The following SV2C variants were observed in gnomAD, a reference collection of about 807,000 sequenced individuals.
SV2C encodes synaptic vesicle glycoprotein 2C, also known as solute carrier family 22 member B3.
SV2C carries 49 observed loss-of-function variants against 79.7 expected under a neutral mutation model. The observed-to-expected ratio is 0.61, with a 90% CI of 0.49 to 0.78. The LOEUF (loss-of-function observed/expected upper bound fraction) is 0.78, where lower values mean the gene tolerates loss of function less well. Ranked by LOEUF, SV2C falls within the 30% of genes least tolerant of loss-of-function variation. The pLI is 0.00. For missense variants in SV2C, 833 were observed against 912.9 expected (o/e 0.91, Z 1.13); for synonymous variants, 334 against 333.2 (o/e 1.00, Z -0.03).
At chr5:75,907,516 C>T in the SV2C span, among the ~76,000 whole-genome samples, 2 of 152,034 alleles carry the variant, frequency 1.3e-5, no homozygotes, top group Admixed American at 6.6e-5. Context: ...AGCAAACACC[C>T]ACACAAAACT....
chr5:75,958,825 A>G, the SV2C span, among the ~76,000 whole-genome samples: 5 of 151,926 alleles, frequency 3.3e-5, no homozygotes, highest in African/African-American at 4.8e-5. Flanking sequence ...GCATACCAGC[A>G]TTTATCTCCA....
At chr5:76,346,556 C>A (rs1749543718) in intron 12 of SV2C, among the ~76,000 whole-genome samples, 1 of 152,204 alleles carries the variant, frequency 6.6e-6, no homozygotes, top group African/African-American at 2.4e-5. Context: ...GTACTTAGCA[C>A]CTGCTACGTG....
At chr5:76,126,172 G>T (rs191220470) in intron 1 of SV2C, among the ~76,000 whole-genome samples, 161 of 152,278 alleles carry the variant, frequency 1.1e-3, no homozygotes, top group African/African-American at 3.8e-3. Context: ...GAGCATAATG[G>T]AAAATGTGAT....
At chr5:76,194,850 T>A in intron 2 of SV2C, 69 bp from the exon 3 acceptor site, 1 of 1,549,530 alleles carries the variant, frequency 6.5e-7, no homozygotes, top group Non-Finnish European at 8.8e-7. Flanking sequence ...TGTTCCTTGT[T>A]CACTTGCTGT....
At chr5:75,867,243 G>C in the SV2C span, among the ~76,000 whole-genome samples, 167 of 152,268 alleles carry the variant, frequency 1.1e-3, no homozygotes, top group Middle Eastern at 6.8e-3. Flanking sequence ...GGAAGACTTA[G>C]AACACACGGA....
rs145195321 is a variant in SV2C at position 76,128,324 on chromosome 5, C to G, written c.-101-3326C>G. Among the ~76,000 whole-genome samples, 844 of 152,280 alleles carry G rather than the reference C, an allele frequency of 5.5e-3. 7 individuals carry two copies. Among genetic ancestry groups the G allele is most frequent in the African/African-American group, 0.019 (781 of 41,554 alleles). On this transcript the variant is annotated intron_variant, in intron 1 of 12. Coordinates refer to ENST00000502798, the MANE Select transcript of SV2C (RefSeq NM_014979.4). ...ATTATTACCCATATAAAGCTCGTCACTGATTAAAGGTCTCACAACAATTCT... is the reference window on the plus strand; with the variant it reads ...ATTATTACCCATATAAAGCTCGTCAGTGATTAAAGGTCTCACAACAATTCT...
At chr5:75,979,788 G>C in the SV2C span, among the ~76,000 whole-genome samples, 1 of 152,020 alleles carries the variant, frequency 6.6e-6, no homozygotes, top group African/African-American at 2.4e-5. Flanking sequence ...AAGATCTCAA[G>C]TTAACAACCT....
chr5:76,131,730 T>C lies in SV2C; in HGVS notation c.-21T>C, dbSNP rs372990810. On this transcript the variant is annotated 5_prime_UTR_variant, in exon 2 of 13. Coordinates refer to ENST00000502798, the MANE Select transcript of SV2C (RefSeq NM_014979.4). The stretch of plus-strand genomic sequence containing the variant: ...GCTGTGAAAATTTCCCATCTTCTCA[T>C]TGGCCATCAGTTGAGATAAGATGGA... The C allele has an allele frequency of 6.9e-5, 107 of 1,560,992 alleles. 1 individual carries two copies. Among genetic ancestry groups the C allele is most frequent in the Non-Finnish European group, 8.3e-5 (95 of 1,150,560 alleles).
the SV2C span, among the ~76,000 whole-genome samples, chr5:76,030,289 T>TTTTTAATTTATTTATTTA: frequency 1.8e-4 from 21 of 117,912 alleles, 1 homozygote; most frequent in African/African-American, 8.2e-4. Flanking sequence ...TTTTTTTTTT[T>TTTTTAATTTATTTATTTA]TTTATTTATT....
intron 4 of SV2C, among the ~76,000 whole-genome samples, chr5:76,231,522 G>A (rs1474439143): frequency 1.3e-5 from 2 of 150,758 alleles, no homozygotes; most frequent in Non-Finnish European, 2.9e-5. Flanking sequence ...GTGCCATGCT[G>A]GTGCGCCGCA....
chr5:75,921,042 T>A, the SV2C span: 8 of 734,050 alleles, frequency 1.1e-5, no homozygotes, highest in African/African-American at 1.7e-5. Flanking sequence ...ACCCACCTGA[T>A]GCCATGTTTC....
chr5:75,877,393 C>A, the SV2C span, among the ~76,000 whole-genome samples: 18,920 of 151,934 alleles, frequency 0.12, 1,391 homozygotes, highest in African/African-American at 0.22. Flanking sequence ...CAGCATAAAA[C>A]TAGAAGACCT....
the SV2C span, among the ~76,000 whole-genome samples, chr5:76,038,631 T>G: frequency 6.6e-6 from 1 of 152,240 alleles, no homozygotes; most frequent in African/African-American, 2.4e-5. Flanking sequence ...CCACTCATTA[T>G]TCACTAAAAA....
At chr5:76,134,242 G>C (rs1748994251) in intron 2 of SV2C, among the ~76,000 whole-genome samples, 1 of 152,188 alleles carries the variant, frequency 6.6e-6, no homozygotes, top group Non-Finnish European at 1.5e-5. Context: ...GTCCCCAGGA[G>C]TGTATAGTTT....
the SV2C span, among the ~76,000 whole-genome samples, chr5:75,871,830 TATATACACACAC>T: frequency 9.0e-6 from 1 of 110,552 alleles, no homozygotes; most frequent in Non-Finnish European, 1.8e-5. Context: ...TATATATATA[TATATACACACAC>T]ACACACACAC....
the SV2C span, among the ~76,000 whole-genome samples, chr5:75,867,007 T>A: frequency 4.6e-5 from 7 of 152,204 alleles, no homozygotes; most frequent in East Asian, 1.2e-3. Context: ...GAGAAGAAAG[T>A]CTTGCTGATT....
chr5:76,319,594 G>A (rs1236074423), intron 12 of SV2C, among the ~76,000 whole-genome samples: 2 of 152,254 alleles, frequency 1.3e-5, no homozygotes, highest in Non-Finnish European at 2.9e-5. Context: ...GCCTTTGCTT[G>A]GTAAATGAAA....
chr5:76,078,944 A>G, upstream of SV2C: 1 of 528,576 alleles, frequency 1.9e-6, no homozygotes. Flanking sequence ...CTTTCAAACA[A>G]TGTAGAAAAA....
At chr5:76,035,226 GTT>G in the SV2C span, among the ~76,000 whole-genome samples, 2 of 143,494 alleles carry the variant, frequency 1.4e-5, no homozygotes, top group African/African-American at 2.5e-5. Context: ...TTTTTGAAGG[GTT>G]TTTTTTTTTG....
Sources: gnomAD v4.1 joint callset for allele counts (sites outside exome capture counted in the v4.1 genomes callset) on GRCh38, gnomAD v4.1.1 for gene constraint, MANE v1.5 for transcripts, NCBI Gene and HGNC (gene_info 2026-07-23, HGNC 2026-07-21) for gene names.